Variants in RBFOX1 observed in about 807,000 individuals in gnomAD.
RBFOX1 encodes the protein RNA binding protein fox-1 homolog 1.
Under a neutral mutation model 57.7 loss-of-function variants are expected in RBFOX1, and 8 were observed. That is an observed-to-expected ratio of 0.14 (90% CI 0.08 to 0.25). RBFOX1 has a LOEUF of 0.25. Among genes scored for constraint, RBFOX1 ranks in the 10% least tolerant of loss-of-function variants. The pLI is 1.00. For synonymous variants in RBFOX1, 326 were observed against 222.4 expected (o/e 1.47, Z -4.15); for missense variants, 611 against 548.5 (o/e 1.11, Z -1.14).
intron 1 of RBFOX1, among the ~76,000 whole-genome samples, chr16:5,361,779 G>A (rs1468134081): frequency 6.6e-6 from 1 of 152,208 alleles, no homozygotes; most frequent in Non-Finnish European, 1.5e-5. Context: ...GCTGTCTCAG[G>A]TGAGCCTGCC....
chr16:5,776,540 C>T (rs118017129), intron 3 of RBFOX1, among the ~76,000 whole-genome samples: 2 of 152,290 alleles, frequency 1.3e-5, no homozygotes, highest in African/African-American at 2.4e-5. Context: ...TATTACGTGC[C>T]CACTAGTCTG....
chr16:7,688,881 T>A lies in RBFOX1; in HGVS notation c.995+12043T>A, dbSNP rs575368510. 9.9e-5 allele frequency among the ~76,000 whole-genome samples: 15 copies of A among 152,174 alleles called. No individual in the cohort carries two copies. The East Asian group carries it at 2.7e-3, about 28-fold the overall frequency. The stretch of plus-strand genomic sequence containing the variant: ...AATATTTCTTAGAGGAAATGAAGAT[T>A]CAGAATGTTAAGTTACTCCACAGAG... On this transcript the variant is annotated intron_variant, in intron 14 of 15. Transcript: ENST00000550418.
Position 6,400,346 on chromosome 16 carries a change from A to G in RBFOX1, c.-64+83289A>G, listed in dbSNP as rs55885253. ...TGGAAATTAAATAGAATACTTCTAA[A>G]TGACTCTCACATTAATGCAGATATC... On this transcript the variant is annotated intron_variant, in intron 2 of 15. Coordinates refer to ENST00000550418, the MANE Select transcript of RBFOX1 (RefSeq NM_018723.4). Among the ~76,000 whole-genome samples the G allele has an allele frequency of 2.4e-3, 364 of 152,312 alleles. 1 individual carries two copies. The highest frequency in any genetic ancestry group is 8.5e-3 in the African/African-American group (353 of 41,566).
At chr16:5,928,411 G>GA (rs374169902) in intron 4 of RBFOX1, among the ~76,000 whole-genome samples, 3,635 of 132,740 alleles carry the variant, frequency 0.027, 118 homozygotes, top group African/African-American at 0.091. Context: ...TTCTCGCCAT[G>GA]AAAAAAAAAA....
chr16:5,436,972 C>T (rs1217143635), intron 1 of RBFOX1, among the ~76,000 whole-genome samples: 1 of 152,152 alleles, frequency 6.6e-6, no homozygotes, highest in African/African-American at 2.4e-5. Context: ...TGATTTGTAC[C>T]TGCCCCCATG....
intron 3 of RBFOX1, among the ~76,000 whole-genome samples, chr16:6,724,899 C>T (rs1393789065): frequency 6.6e-6 from 1 of 152,074 alleles, no homozygotes; most frequent in South Asian, 2.1e-4. Context: ...TATAGGGTAA[C>T]TTCCTGACCT....
intron 5 of RBFOX1, 142 bp from the exon 6 acceptor site, chr16:7,579,635 T>C (rs2152834721): frequency 1.0e-6 from 1 of 954,080 alleles, no homozygotes; most frequent in Non-Finnish European, 1.6e-6. Flanking sequence ...AATGAATGCA[T>C]GCATGCATGC....
chr16:6,708,814 C>A (rs924372369), intron 3 of RBFOX1, among the ~76,000 whole-genome samples: 12 of 152,234 alleles, frequency 7.9e-5, no homozygotes, highest in Middle Eastern at 3.4e-3. Context: ...CATTCTTACT[C>A]CCTGTGAGCT....
rs761205127 is a variant in RBFOX1, at chr16:7,518,352, C to A, written c.233C>A (p.Ala78Glu). Residue 78 changes from alanine (A) to glutamate (E), a missense_variant, in exon 5 of 16, where the codon GCG (alanine) becomes GAG (glutamate). By Grantham distance (107) the Ala-to-Glu change is moderately radical. This residue lies in a region of RBFOX1 where 245 missense variants were observed against 159.1 expected (regional missense o/e 1.54). Transcript: ENST00000550418. ...PAQTHSEQSPADTSAQTVSGT... is the reference protein window; with the variant it reads ...PAQTHSEQSPEDTSAQTVSGT... ...CAGACGCACTCCGAGCAGAGCCCGG[C>A]GGACACGAGCGCTCAGACCGTCTCT... 1 of 1,613,202 alleles carries A rather than the reference C, an allele frequency of 6.2e-7. No individual in the cohort carries two copies. The highest frequency in any genetic ancestry group is 8.5e-7 in the Non-Finnish European group (1 of 1,179,516).
At chr16:6,489,654 C>T (rs1019492690) in intron 2 of RBFOX1, among the ~76,000 whole-genome samples, 1 of 152,142 alleles carries the variant, frequency 6.6e-6, no homozygotes, top group Non-Finnish European at 1.5e-5. Flanking sequence ...CGTTTTTAGT[C>T]TCATTTTGGA....
chr16:6,102,109 A>G (rs138987852), intron 1 of RBFOX1, among the ~76,000 whole-genome samples: 3 of 150,886 alleles, frequency 2.0e-5, no homozygotes, highest in African/African-American at 4.9e-5. Flanking sequence ...TTATAATTCA[A>G]GTATTCTGAA....
At chr16:6,167,076 C>T (rs1250382384) in intron 1 of RBFOX1, among the ~76,000 whole-genome samples, 2 of 152,130 alleles carry the variant, frequency 1.3e-5, no homozygotes, top group African/African-American at 4.8e-5. Flanking sequence ...CCCTGCCTTG[C>T]CTGTGTTTTG....
At chr16:7,339,252 C>T (rs948077270) in intron 4 of RBFOX1, among the ~76,000 whole-genome samples, 1 of 152,118 alleles carries the variant, frequency 6.6e-6, no homozygotes, top group African/African-American at 2.4e-5. Context: ...TGTGTTTATT[C>T]AGCAATTATC....
At chr16:7,516,156 T>G (rs553142157) in intron 4 of RBFOX1, among the ~76,000 whole-genome samples, 2 of 152,252 alleles carry the variant, frequency 1.3e-5, no homozygotes, top group East Asian at 3.9e-4. Context: ...AAGTGTCAGT[T>G]CTTGGCAGCT....
chr16:5,507,923 A>G (rs1179060206), intron 2 of RBFOX1, among the ~76,000 whole-genome samples: 1 of 151,996 alleles, frequency 6.6e-6, no homozygotes, highest in African/African-American at 2.4e-5. Context: ...CCAGCATGAG[A>G]ATGCTTATGT....
At chr16:5,626,055 CT>C (rs2048341663) in intron 3 of RBFOX1, among the ~76,000 whole-genome samples, 1 of 151,956 alleles carries the variant, frequency 6.6e-6, no homozygotes, top group Non-Finnish European at 1.5e-5. Flanking sequence ...TTTGTATTTT[CT>C]TTTTAGTACA....
intron 3 of RBFOX1, among the ~76,000 whole-genome samples, chr16:6,885,474 ACTTTCTTGACAAAGT>A (rs2063800161): frequency 6.6e-6 from 1 of 152,150 alleles, no homozygotes; most frequent in African/African-American, 2.4e-5. Context: ...ATTCCTGGAG[ACTTTCTTGACAAAGT>A]CCAGGATGGT....
chr16:5,637,477 T>G (rs1480312341), intron 3 of RBFOX1, among the ~76,000 whole-genome samples: 2 of 152,194 alleles, frequency 1.3e-5, no homozygotes, highest in Non-Finnish European at 2.9e-5. Context: ...CTCATAGGGT[T>G]GTTGTGGGCT....
intron 3 of RBFOX1, among the ~76,000 whole-genome samples, chr16:5,824,924 G>C (rs565296590): frequency 8.5e-4 from 129 of 152,262 alleles, no homozygotes; most frequent in African/African-American, 2.9e-3. Context: ...TTTCATACTG[G>C]CTTGTGAGTG....
Sources: allele counts gnomAD v4.1 joint callset (sites outside exome capture counted in the v4.1 genomes callset), GRCh38; gene constraint gnomAD v4.1.1; regional missense constraint gnomAD v4.1.1; transcripts MANE v1.5; gene names NCBI Gene and HGNC (gene_info 2026-07-23, HGNC 2026-07-21).